UTRN: variants seen among roughly 807,000 people sequenced by gnomAD.
UTRN encodes the protein dystrophin-related protein 1.
UTRN carries 283 observed loss-of-function variants against 463.9 expected under a neutral mutation model. The ratio of observed to expected loss-of-function variants is 0.61; its 90% CI spans 0.55 to 0.67. The LOEUF (loss-of-function observed/expected upper bound fraction) is 0.67, where lower values mean the gene tolerates loss of function less well. UTRN is among the 30% of genes least tolerant of loss of function. The pLI is 0.00. For synonymous variants in UTRN, 1,442 were observed against 1,431.5 expected, an observed-to-expected ratio of 1.01 and a Z score of -0.17; for missense variants, 3,922 against 4,084.3, an observed-to-expected ratio of 0.96 and a Z score of 1.08.
chr6:144,463,280 G>C (rs1204552659), intron 23 of UTRN, among the ~76,000 whole-genome samples: 1 of 152,188 alleles, frequency 6.6e-6, no homozygotes, highest in African/African-American at 2.4e-5. Context: ...GAAGTCAAAA[G>C]TCAGAGATAG....
intron 2 of UTRN, among the ~76,000 whole-genome samples, chr6:144,318,145 G>A (rs1775403366): frequency 6.6e-6 from 1 of 152,012 alleles, no homozygotes; most frequent in African/African-American, 2.4e-5. Flanking sequence ...TAACGATGAA[G>A]TGCTGTGGAC....
At chr6:144,352,736 C>T (rs1056221323) in intron 2 of UTRN, among the ~76,000 whole-genome samples, 3 of 152,052 alleles carry the variant, frequency 2.0e-5, no homozygotes, top group African/African-American at 4.8e-5. Context: ...AATAAAAGGT[C>T]GTTCAAGGTA....
intron 51 of UTRN, among the ~76,000 whole-genome samples, chr6:144,631,237 G>GGTGTGTGT (rs67332744): frequency 0.039 from 5,783 of 147,462 alleles, 149 homozygotes; most frequent in Middle Eastern, 0.12. Flanking sequence ...GAGAGAGAGA[G>GGTGTGTGT]GTGTGTGTGT....
intron 51 of UTRN, among the ~76,000 whole-genome samples, chr6:144,636,013 T>G (rs910829911): frequency 6.6e-6 from 1 of 152,182 alleles, no homozygotes; most frequent in Non-Finnish European, 1.5e-5. Context: ...TTTATATGTA[T>G]GAATTTTAAG....
chr6:144,483,246 T>C (rs1031379479), intron 27 of UTRN, among the ~76,000 whole-genome samples: 1 of 152,228 alleles, frequency 6.6e-6, no homozygotes, highest in Admixed American at 6.5e-5. Context: ...GGCAAGTTAG[T>C]AAGAAAGCTA....
chr6:144,701,996 C>T (rs1006428422), intron 53 of UTRN, among the ~76,000 whole-genome samples: 1 of 152,090 alleles, frequency 6.6e-6, no homozygotes, highest in Non-Finnish European at 1.5e-5. Context: ...AAATCCTATT[C>T]TCTCCTAACT....
chr6:144,532,773 A>G (rs1797180827), intron 42 of UTRN, among the ~76,000 whole-genome samples: 1 of 152,258 alleles, frequency 6.6e-6, no homozygotes, highest in Admixed American at 6.5e-5. Context: ...CATTTTCATC[A>G]AACATGATTG....
intron 51 of UTRN, among the ~76,000 whole-genome samples, chr6:144,594,417 T>G (rs1803436572): frequency 6.6e-6 from 1 of 152,198 alleles, no homozygotes; most frequent in Non-Finnish European, 1.5e-5. Flanking sequence ...TATAATTAGC[T>G]ATTTATTTCT....
chr6:144,311,043 G>A lies in UTRN; in HGVS notation c.79+19136G>A, dbSNP rs1023051471. Among the ~76,000 whole-genome samples, 9 of 152,276 alleles carry A rather than the reference G, an allele frequency of 5.9e-5. No homozygotes were observed. The South Asian group carries it at 1.2e-3, about 21-fold the overall frequency. On this transcript the variant is annotated intron_variant, in intron 2 of 74. Coordinates refer to ENST00000367545, the MANE Select transcript of UTRN (RefSeq NM_007124.3). ...CTCTTCTAAGATTGCCCTTTATTGT[G>A]TGATTATATTACATTTTTAGTTGGC...
intron 2 of UTRN, among the ~76,000 whole-genome samples, chr6:144,384,971 A>G (rs1305759595): frequency 1.3e-5 from 2 of 152,160 alleles, no homozygotes; most frequent in Admixed American, 6.5e-5. Flanking sequence ...AACCCTAGGT[A>G]ATGGTAGTTA....
At chr6:144,750,634 A>G (rs1251896952) in intron 55 of UTRN, among the ~76,000 whole-genome samples, 3 of 152,204 alleles carry the variant, frequency 2.0e-5, no homozygotes, top group Admixed American at 6.6e-5. Flanking sequence ...TTAGTTTGGT[A>G]CATTATTAAC....
At chr6:144,502,037 G>A (rs1794234756) in intron 34 of UTRN, among the ~76,000 whole-genome samples, 1 of 151,700 alleles carries the variant, frequency 6.6e-6, no homozygotes, top group Non-Finnish European at 1.5e-5. Flanking sequence ...TCAATGCTTA[G>A]TGAGTTGTGT....
intron 50 of UTRN, among the ~76,000 whole-genome samples, chr6:144,575,750 G>A (rs1487021345): frequency 6.6e-6 from 1 of 152,080 alleles, no homozygotes; most frequent in Non-Finnish European, 1.5e-5. Context: ...ATTCACTGGG[G>A]ATGTTGAAAT....
At chr6:144,315,527 G>C (rs1011025092) in intron 2 of UTRN, among the ~76,000 whole-genome samples, 1 of 152,244 alleles carries the variant, frequency 6.6e-6, no homozygotes, top group African/African-American at 2.4e-5. Context: ...TTCTCACCTA[G>C]AAATTGCCAT....
chr6:144,336,085 A>G (rs941161182), intron 2 of UTRN, among the ~76,000 whole-genome samples: 2 of 152,270 alleles, frequency 1.3e-5, no homozygotes, highest in Admixed American at 6.5e-5. Flanking sequence ...TGAGTGGCCA[A>G]CATCCTCAGA....
intron 51 of UTRN, among the ~76,000 whole-genome samples, chr6:144,598,766 C>T (rs1803923530): frequency 6.6e-6 from 1 of 152,146 alleles, no homozygotes; most frequent in African/African-American, 2.4e-5. Context: ...TCAGCTGTGC[C>T]TGAATTCCAA....
intron 2 of UTRN, among the ~76,000 whole-genome samples, chr6:144,304,156 A>G (rs1165027099): frequency 1.3e-5 from 2 of 152,220 alleles, no homozygotes; most frequent in Non-Finnish European, 2.9e-5. Flanking sequence ...TTGTAAGTTC[A>G]TCTTTCTTTA....
chr6:144,334,318 G>C (rs1037718863), intron 2 of UTRN, among the ~76,000 whole-genome samples: 2 of 151,324 alleles, frequency 1.3e-5, no homozygotes, highest in Non-Finnish European at 1.5e-5. Context: ...GTGTGTTTGG[G>C]GGGGGTGGGG....
chr6:144,503,101 TG>T (rs1458685219), intron 34 of UTRN, among the ~76,000 whole-genome samples: 1 of 152,192 alleles, frequency 6.6e-6, no homozygotes, highest in Non-Finnish European at 1.5e-5. Context: ...TGGAGTTGTT[TG>T]TTTTTTTCTT....
Sources: allele counts gnomAD v4.1 joint callset (sites outside exome capture counted in the v4.1 genomes callset), GRCh38; gene constraint gnomAD v4.1.1; transcripts MANE v1.5; gene names NCBI Gene and HGNC (gene_info 2026-07-23, HGNC 2026-07-21).